The following PPM1L variants were observed in gnomAD, a reference collection of about 807,000 sequenced individuals.
The protein encoded by PPM1L is protein phosphatase 1L.
In PPM1L, 13 loss-of-function variants were observed where a neutral mutation model predicts 31.4. The ratio of observed to expected loss-of-function variants is 0.41; its 90% CI spans 0.27 to 0.66. PPM1L has a LOEUF of 0.66. Among genes scored for constraint, PPM1L ranks in the 30% least tolerant of loss-of-function variants. The probability of loss-of-function intolerance (pLI) is 0.29; values close to 1 mark genes in which losing one functional copy is unlikely to be tolerated. For synonymous variants in PPM1L, 184 were observed against 175.4 expected, an observed-to-expected ratio of 1.05 and a Z score of -0.39; for missense variants, 326 against 453.7, an observed-to-expected ratio of 0.72 and a Z score of 2.56.
At chr3:160,801,732 A>G (rs929997434) in intron 1 of PPM1L, among the ~76,000 whole-genome samples, 1 of 152,038 alleles carries the variant, frequency 6.6e-6, no homozygotes, top group African/African-American at 2.4e-5. Context: ...CCTCTAGTGC[A>G]TTTCCCTTTT....
intron 1 of PPM1L, among the ~76,000 whole-genome samples, chr3:160,817,554 A>G (rs552131476): frequency 6.6e-5 from 10 of 152,246 alleles, no homozygotes; most frequent in African/African-American, 2.2e-4. Flanking sequence ...GGAAATCCCA[A>G]TATTTTAATC....
chr3:161,017,710 C>T (rs1718124891), intron 2 of PPM1L, among the ~76,000 whole-genome samples: 1 of 152,118 alleles, frequency 6.6e-6, no homozygotes, highest in Non-Finnish European at 1.5e-5. Flanking sequence ...AAGGTGCCAG[C>T]CTGTTTTTAT....
At chr3:160,836,833 T>G (rs533619253) in intron 1 of PPM1L, among the ~76,000 whole-genome samples, 1 of 152,306 alleles carries the variant, frequency 6.6e-6, no homozygotes, top group East Asian at 1.9e-4. Context: ...ACCAATCTCA[T>G]GTGACAAAGA....
intron 1 of PPM1L, among the ~76,000 whole-genome samples, chr3:160,854,123 A>G (rs896143497): frequency 1.3e-5 from 2 of 152,196 alleles, no homozygotes; most frequent in Non-Finnish European, 2.9e-5. Flanking sequence ...TTCAGACCTT[A>G]GACATGTCTT....
intron 1 of PPM1L, among the ~76,000 whole-genome samples, chr3:160,803,659 CTTTG>C (rs1282562894): frequency 1.3e-5 from 2 of 152,218 alleles, no homozygotes; most frequent in African/African-American, 4.8e-5. Context: ...ACTTAGATGA[CTTTG>C]TTTATTTATT....
At chr3:160,766,756 T>C (rs1189868390) in intron 1 of PPM1L, among the ~76,000 whole-genome samples, 1 of 151,916 alleles carries the variant, frequency 6.6e-6, no homozygotes, top group Non-Finnish European at 1.5e-5. Flanking sequence ...TTTTTTTTTT[T>C]TCCCTTCTCT....
At chr3:160,885,298 G>A (rs575250494) in intron 1 of PPM1L, among the ~76,000 whole-genome samples, 26 of 152,290 alleles carry the variant, frequency 1.7e-4, no homozygotes, top group African/African-American at 6.3e-4. Flanking sequence ...TGTAAGCAAA[G>A]GCAAAGGTTA....
At chr3:160,990,279 G>A (rs1717090672) in intron 2 of PPM1L, among the ~76,000 whole-genome samples, 2 of 152,068 alleles carry the variant, frequency 1.3e-5, no homozygotes, top group East Asian at 1.9e-4. Flanking sequence ...TGGGATTACA[G>A]GGGTGAGCCA....
At chr3:161,037,148 A>T (rs1488352998) in intron 2 of PPM1L, among the ~76,000 whole-genome samples, 1 of 152,132 alleles carries the variant, frequency 6.6e-6, no homozygotes, top group African/African-American at 2.4e-5. Flanking sequence ...TGCAGGGAGG[A>T]CTTTATGATT....
chr3:161,039,105 C>T (rs1019913758), intron 2 of PPM1L, among the ~76,000 whole-genome samples: 1 of 152,164 alleles, frequency 6.6e-6, no homozygotes, highest in Non-Finnish European at 1.5e-5. Context: ...AGCATAACAT[C>T]AACAAATAAC....
chr3:160,906,636 C>G (rs1381008324), intron 1 of PPM1L, among the ~76,000 whole-genome samples: 1 of 102,206 alleles, frequency 9.8e-6, no homozygotes, highest in South Asian at 2.5e-4. Flanking sequence ...GAAAAGAACC[C>G]AGGCACAATT....
chr3:160,859,368 A>G (rs1014073869), intron 1 of PPM1L, among the ~76,000 whole-genome samples: 2 of 152,206 alleles, frequency 1.3e-5, no homozygotes, highest in South Asian at 2.1e-4. Context: ...CAGTTTCTAC[A>G]TTGCATGATT....
intron 1 of PPM1L, among the ~76,000 whole-genome samples, chr3:160,803,123 G>C (rs1286659584): frequency 6.6e-6 from 1 of 152,168 alleles, no homozygotes; most frequent in East Asian, 1.9e-4. Context: ...ATATGCATAA[G>C]GGACATTTAG....
chr3:161,014,323 A>G (rs1363654145), intron 2 of PPM1L, among the ~76,000 whole-genome samples: 1 of 152,188 alleles, frequency 6.6e-6, no homozygotes, highest in Non-Finnish European at 1.5e-5. Context: ...AGATATTCAA[A>G]TACAATATAT....
At chr3:161,047,047 T>G (rs1424396519) in intron 2 of PPM1L, among the ~76,000 whole-genome samples, 1 of 152,168 alleles carries the variant, frequency 6.6e-6, no homozygotes, top group East Asian at 1.9e-4. Flanking sequence ...GGACACCCTC[T>G]GTCACCACGC....
chr3:160,835,030 ACTACTACTACTTCTTCTTCTT>A (rs1713653901), intron 1 of PPM1L, among the ~76,000 whole-genome samples: 1 of 96,748 alleles, frequency 1.0e-5, no homozygotes, highest in Non-Finnish European at 2.0e-5. Context: ...TACTACTATT[ACTACTACTACTTCTTCTTCTT>A]CTTCTTCTTC....
At chr3:160,791,128 T>C (rs894790683) in intron 1 of PPM1L, among the ~76,000 whole-genome samples, 2 of 152,120 alleles carry the variant, frequency 1.3e-5, no homozygotes, top group African/African-American at 2.4e-5. Flanking sequence ...ACTAGTTTTA[T>C]AAGGCTAAGG....
chr3:160,835,036 A>ACTTCTTCTTCTT (rs1491239346), intron 1 of PPM1L, among the ~76,000 whole-genome samples: 116 of 72,006 alleles, frequency 1.6e-3, no homozygotes, highest in South Asian at 2.8e-3. Context: ...TATTACTACT[A>ACTTCTTCTTCTT]CTACTTCTTC....
intron 1 of PPM1L, among the ~76,000 whole-genome samples, chr3:160,896,424 T>G (rs985491728): frequency 2.0e-5 from 3 of 152,130 alleles, no homozygotes; most frequent in Non-Finnish European, 4.4e-5. Context: ...ATTTAAGTAT[T>G]GTAAGTTAAG....
Sources: gnomAD v4.1 joint callset for allele counts (sites outside exome capture counted in the v4.1 genomes callset) on GRCh38, gnomAD v4.1.1 for gene constraint, MANE v1.5 for transcripts, NCBI Gene and HGNC (gene_info 2026-07-23, HGNC 2026-07-21) for gene names.